The following WDR91 variants were observed in gnomAD, a reference collection of about 807,000 sequenced individuals.
WDR91 encodes the protein WD repeat domain 91, also known as WD repeat-containing protein 91.
In WDR91, 52 loss-of-function variants were observed where a neutral mutation model predicts 88.4. The observed-to-expected ratio is 0.59, with a 90% CI of 0.47 to 0.74. WDR91 has a LOEUF of 0.74. WDR91 is among the 30% of genes least tolerant of loss of function. WDR91 has a pLI of 0.00. For missense variants in WDR91, 824 were observed against 954.5 expected (o/e 0.86, Z 1.80); for synonymous variants, 362 against 389.5 (o/e 0.93, Z 0.83).
chr7:135,192,186 C>G (rs908819580), intron 11 of WDR91, among the ~76,000 whole-genome samples: 1 of 149,100 alleles, frequency 6.7e-6, no homozygotes, highest in Non-Finnish European at 1.5e-5. Context: ...GGCACCACAT[C>G]AGCTCACTGC....
In WDR91 at chr7:135,206,064, CA is replaced by C. The variant is rs1831765676; in HGVS notation, c.595-7del. The C allele has an allele frequency of 1.9e-6, 3 of 1,614,128 alleles. No homozygotes were observed. Among genetic ancestry groups the C allele is most frequent in the Middle Eastern group, 1.7e-4 (1 of 6,054 alleles). ...TCAGCTTGCAATGCAAAAAGCTATACAGGGGTGGGACTGAGTTAGCCAATGA... is the reference window on the plus strand; with the variant it reads ...TCAGCTTGCAATGCAAAAAGCTATACGGGGTGGGACTGAGTTAGCCAATGA... On this transcript the variant is annotated splice_polypyrimidine_tract_variant and splice_region_variant and intron_variant, in intron 4 of 14. Coordinates refer to ENST00000354475, the MANE Select transcript of WDR91 (RefSeq NM_014149.4).
intron 11 of WDR91, among the ~76,000 whole-genome samples, chr7:135,190,769 G>A (rs1030526203): frequency 7.9e-5 from 12 of 152,186 alleles, no homozygotes; most frequent in African/African-American, 2.9e-4. Flanking sequence ...AGATATAGTA[G>A]AGGAGAGATT....
rs1262565104 is a variant in WDR91, at chr7:135,185,248, C to G, written c.*903G>C. On this transcript the variant is annotated 3_prime_UTR_variant, in exon 15 of 15. Coordinates refer to ENST00000354475, the MANE Select transcript of WDR91 (RefSeq NM_014149.4). ...CACAATCAATACTTTGTTTCATGTA[C>G]AAAATTATTTAAAATACTGTATAGA... 1 of 152,078 alleles carries G rather than the reference C, an allele frequency of 6.6e-6. No homozygotes were observed. The highest frequency in any genetic ancestry group is 2.4e-5 in the African/African-American group (1 of 41,402). 9.4% of individuals were successfully genotyped at this position (152,078 alleles called of 1,614,324 possible).
In WDR91 at chr7:135,205,964, TAAG is replaced by T. The variant is rs1222979883; in HGVS notation, c.686_688del (p.Pro229_Tyr230delinsHis). ...CCCCAGGCGGTCCATGTTGGAGACA[TAAG>T]GAGGCAATTTGTGTTGGACCAAGGC... is the stretch of plus-strand genomic sequence containing the variant. On this transcript the variant is annotated inframe_deletion, in exon 5 of 15. Transcript: ENST00000354475. 1.9e-6 allele frequency: 3 copies of T among 1,613,962 alleles called. No homozygotes were observed. Among genetic ancestry groups the T allele is most frequent in the African/African-American group, 2.7e-5 (2 of 74,926 alleles).
chr7:135,207,048 C>G (rs758712182), intron 4 of WDR91, 72 bp downstream of exon 4: 2 of 1,307,472 alleles, frequency 1.5e-6, no homozygotes, highest in South Asian at 1.2e-5. Context: ...TATAGTGTTC[C>G]ACTGCCACTA....
At position 135,195,054 on chromosome 7, in the gene WDR91, G is replaced by T; in HGVS notation, c.1275C>A (p.Ser425Arg). 6.2e-7 allele frequency: 1 copy of T among 1,613,874 alleles called. No individual in the cohort carries two copies. The highest frequency in any genetic ancestry group is 1.1e-5 in the South Asian group (1 of 91,010). Reference sequence around the variant, plus strand: ...CTTTGATGACCCCATCTACGTCTAAGCTGGCGACTCTCCTCCCAGAGCAGT... The same window carrying T: ...CTTTGATGACCCCATCTACGTCTAATCTGGCGACTCTCCTCCCAGAGCAGT... The part of the protein sequence containing the change: ...RVDCSGRRVA[S>R]LDVDGVIKVW... Residue 425 changes from serine to arginine, a missense_variant, in exon 9 of 15, where the codon AGC becomes AGA. Coordinates refer to ENST00000354475, the MANE Select transcript of WDR91 (RefSeq NM_014149.4).
intron 13 of WDR91, 145 bp downstream of exon 13, chr7:135,188,288 A>G (rs1831028136): frequency 1.6e-6 from 1 of 627,562 alleles, no homozygotes; most frequent in Non-Finnish European, 2.8e-6. Context: ...TGTAAGACGA[A>G]TTACTAGTTT....
At chr7:135,198,288 T>C in intron 6 of WDR91, 137 bp from the exon 7 acceptor site, 19 of 1,013,134 alleles carry the variant, frequency 1.9e-5, no homozygotes, top group Non-Finnish European at 2.7e-5. Context: ...GGCTCAGCTA[T>C]GTAGGTGAGG....
intron 6 of WDR91, 176 bp from the exon 7 acceptor site, chr7:135,198,327 C>A: frequency 1.6e-6 from 1 of 638,150 alleles, no homozygotes; most frequent in South Asian, 2.2e-5. Flanking sequence ...ATGACCTCCT[C>A]CTTTCTGTCC....
chr7:135,201,801 A>C (rs1256792213), intron 6 of WDR91, among the ~76,000 whole-genome samples: 1 of 152,246 alleles, frequency 6.6e-6, no homozygotes, highest in Non-Finnish European at 1.5e-5. Context: ...AAAGCAGTAC[A>C]TTATGAAAAT....
chr7:135,188,686 G>C, intron 12 of WDR91, 141 bp from the exon 13 acceptor site: 1 of 681,560 alleles, frequency 1.5e-6, no homozygotes, highest in South Asian at 1.7e-5. Context: ...GACCCAATGA[G>C]CGCCATAAAG....
At chr7:135,209,973 C>T in intron 1 of WDR91, 2 of 412,736 alleles carry the variant, frequency 4.8e-6, no homozygotes, top group Admixed American at 8.9e-5. Context: ...ACGGAAATTT[C>T]AGGTGTAAAA....
chr7:135,198,241 G>A (rs1831447396), intron 6 of WDR91, 90 bp from the exon 7 acceptor site: 5 of 1,474,486 alleles, frequency 3.4e-6, no homozygotes, highest in East Asian at 2.4e-5. Flanking sequence ...GGGCGGGGGG[G>A]CGTGGTGGGT....
Position 135,193,672 on chromosome 7 carries a change from G to A in WDR91, c.1396C>T (p.Leu466Phe), listed in dbSNP as rs754661647. The A allele has an allele frequency of 4.3e-6, 7 of 1,613,810 alleles. No individual in the cohort carries two copies. The highest frequency in any genetic ancestry group is 5.9e-6 in the Non-Finnish European group (7 of 1,179,824). The change falls in exon 10 of 15, where the codon CTC becomes TTC. Residue 466 changes from leucine to phenylalanine, a missense_variant and splice_region_variant. By Grantham distance (22) the Leu-to-Phe change is conservative. Coordinates refer to ENST00000354475, the MANE Select transcript of WDR91 (RefSeq NM_014149.4). ...GTTCCCACACCACTGCCCAGCAAGA[G>A]CTGGAATGACAAGGGGCGGGAGGTG... ...LEWATKRDRL[L>F]LLGSGVGTVR...
chr7:135,210,968 T>G (rs562807709), intron 1 of WDR91: 3 of 701,786 alleles, frequency 4.3e-6, no homozygotes, highest in East Asian at 5.4e-5. Context: ...CGCAGATACT[T>G]GAACGCAGCT....
Position 135,211,498 on chromosome 7 carries a change from G to A in WDR91, c.5C>T (p.Ala2Val). ...CTCGTCAGTGCGCTCCACGGCCTCC[G>A]CCATCGCAGCGCTAGCGTCTTTAGG... M[A>V]EAVERTDELV... The change falls in exon 1 of 15, where the codon GCG becomes GTG. Residue 2 changes from alanine (A) to valine (V), a missense_variant. Ala to Val is a moderately conservative substitution (Grantham distance 64). Transcript: ENST00000354475. 5.0e-6 allele frequency: 8 copies of A among 1,611,104 alleles called. No individual in the cohort carries two copies. The highest frequency in any genetic ancestry group is 2.2e-5 in the East Asian group (1 of 44,702).
At chr7:135,197,024 G>A (rs964979912) in intron 7 of WDR91, 3 of 152,302 alleles carry the variant, frequency 2.0e-5, no homozygotes, top group Non-Finnish European at 4.4e-5. Context: ...AGCAGGTGTT[G>A]GCTACCATCT....
chr7:135,206,151 G>A, intron 4 of WDR91, 93 bp from the exon 5 acceptor site: 1 of 1,536,304 alleles, frequency 6.5e-7, no homozygotes, highest in South Asian at 1.1e-5. Flanking sequence ...CAAGCCCACT[G>A]GTCTGAGTGC....
intron 6 of WDR91, chr7:135,200,139 A>G (rs1377270836): frequency 2.0e-5 from 3 of 152,276 alleles, no homozygotes; most frequent in Non-Finnish European, 4.4e-5. Flanking sequence ...ACAAAAGATA[A>G]TAATATATTA....
Sources: gnomAD v4.1 joint callset for allele counts (sites outside exome capture counted in the v4.1 genomes callset) on GRCh38, gnomAD v4.1.1 for gene constraint, MANE v1.5 for transcripts, NCBI Gene and HGNC (gene_info 2026-07-23, HGNC 2026-07-21) for gene names.